Variants in MBOAT2 observed in about 807,000 individuals in gnomAD.
MBOAT2 encodes the protein membrane-bound glycerophospholipid O-acyltransferase 2.
In MBOAT2, 28 loss-of-function variants were observed where a neutral mutation model predicts 63.4. The ratio of observed to expected loss-of-function variants is 0.44; its 90% confidence interval spans 0.33 to 0.61. The LOEUF (loss-of-function observed/expected upper bound fraction) is 0.61, where lower values mean the gene tolerates loss of function less well. MBOAT2 is among the 20% of genes least tolerant of loss of function. The probability of loss-of-function intolerance (pLI) is 0.03; values close to 1 mark genes in which losing one functional copy is unlikely to be tolerated. For missense variants in MBOAT2, 470 were observed against 605.8 expected (o/e 0.78, Z 2.35); for synonymous variants, 211 against 215.6 (o/e 0.98, Z 0.19).
At chr2:9,002,146 GA>G (rs1164181626) in intron 1 of MBOAT2, among the ~76,000 whole-genome samples, 1 of 151,938 alleles carries the variant, frequency 6.6e-6, no homozygotes, top group Non-Finnish European at 1.5e-5. Flanking sequence ...AAAGAGAGAA[GA>G]ATATTTTCTT....
intron 1 of MBOAT2, among the ~76,000 whole-genome samples, chr2:8,997,389 A>G (rs1389345892): frequency 6.6e-6 from 1 of 152,232 alleles, no homozygotes; most frequent in Non-Finnish European, 1.5e-5. Flanking sequence ...AAGCAGGGAG[A>G]CAAAGAGCTC....
At chr2:8,935,920 T>C (rs1413779811) in intron 3 of MBOAT2, among the ~76,000 whole-genome samples, 2 of 152,232 alleles carry the variant, frequency 1.3e-5, no homozygotes, top group African/African-American at 4.8e-5. Flanking sequence ...ATCAATAAAG[T>C]AGACTTCTGA....
At chr2:8,956,728 T>A (rs1241788767) in intron 2 of MBOAT2, among the ~76,000 whole-genome samples, 1 of 152,170 alleles carries the variant, frequency 6.6e-6, no homozygotes, top group Non-Finnish European at 1.5e-5. Flanking sequence ...ATCCTGGTTA[T>A]CACATATAAT....
At chr2:8,962,281 C>T (rs780335795) in intron 1 of MBOAT2, among the ~76,000 whole-genome samples, 5 of 152,126 alleles carry the variant, frequency 3.3e-5, no homozygotes, top group Non-Finnish European at 7.4e-5. Context: ...TTCCTGACCA[C>T]TGCATTATAC....
At chr2:8,914,020 CA>C (rs766410055) in intron 3 of MBOAT2, among the ~76,000 whole-genome samples, 3 of 152,196 alleles carry the variant, frequency 2.0e-5, no homozygotes, top group Non-Finnish European at 4.4e-5. Flanking sequence ...ACAGCATTTG[CA>C]GTAACCTGGA....
chr2:8,868,465 A>C lies in MBOAT2; in HGVS notation c.968T>G (p.Leu323Trp). 1 of 1,613,942 alleles carries C rather than the reference A, an allele frequency of 6.2e-7. No homozygotes were observed. The highest frequency in any genetic ancestry group is 8.5e-7 in the Non-Finnish European group (1 of 1,179,906). The change falls in exon 9 of 13, where the codon TTG (leucine) becomes TGG (tryptophan). Residue 323 changes from leucine to tryptophan, a missense_variant. Transcript: ENST00000305997. ...GAARWDLISN[L>W]RIQQIEMSTS... The stretch of plus-strand genomic sequence containing the variant: ...ACTCACCTCTATTTGTTGAATTCTC[A>C]AATTGGAAATTAAGTCCCAGCGAGC...
chr2:8,974,738 T>C (rs760830775), intron 1 of MBOAT2, among the ~76,000 whole-genome samples: 2 of 152,184 alleles, frequency 1.3e-5, no homozygotes, highest in African/African-American at 4.8e-5. Flanking sequence ...AAATAATACA[T>C]GCTTGCTTTC....
chr2:8,930,956 CTTTT>C (rs919385636), intron 3 of MBOAT2, among the ~76,000 whole-genome samples: 1 of 152,012 alleles, frequency 6.6e-6, no homozygotes, highest in Non-Finnish European at 1.5e-5. Context: ...AAGCCTGCAG[CTTTT>C]TTTTCTCTCG....
In MBOAT2 at chr2:9,003,435, C is replaced by T; in HGVS notation, c.75+105G>A. Reference sequence around the variant, plus strand: ...GCGGCGGGTAGGGGGGCACCGGGCGCCCGGCCCCAGCCCCCACCCTCCTCC... The same window carrying T: ...GCGGCGGGTAGGGGGGCACCGGGCGTCCGGCCCCAGCCCCCACCCTCCTCC... On this transcript the variant is annotated intron_variant, in intron 1 of 12. Coordinates refer to ENST00000305997, the MANE Select transcript of MBOAT2 (RefSeq NM_138799.4). The surrounding 1 kb of genome is among the most constrained non-coding windows in gnomAD (Gnocchi z 5.4). The T allele has an allele frequency of 1.4e-6, 1 of 698,620 alleles. No individual in the cohort carries two copies. Among genetic ancestry groups the T allele is most frequent in the Non-Finnish European group, 1.9e-6 (1 of 531,410 alleles). 43.3% of individuals were successfully genotyped at this position (698,620 alleles called of 1,614,324 possible).
chr2:8,892,908 G>A (rs1434886048), intron 4 of MBOAT2, among the ~76,000 whole-genome samples: 5 of 152,248 alleles, frequency 3.3e-5, no homozygotes, highest in South Asian at 2.1e-4. Context: ...GCAGGACACC[G>A]GATCCAGCAG....
At chr2:8,987,865 G>A (rs534148871) in intron 1 of MBOAT2, among the ~76,000 whole-genome samples, 33 of 152,072 alleles carry the variant, frequency 2.2e-4, no homozygotes, top group South Asian at 1.3e-3. Context: ...TGGACTGAAG[G>A]GTAATGGGTG....
At chr2:8,895,161 T>C (rs539016105) in intron 4 of MBOAT2, among the ~76,000 whole-genome samples, 1 of 152,366 alleles carries the variant, frequency 6.6e-6, no homozygotes, top group South Asian at 2.1e-4. Context: ...CGGGAGCCAC[T>C]GCTGGCTCAC....
chr2:8,894,419 C>T lies in MBOAT2; in HGVS notation c.396-6346G>A, dbSNP rs114291587. The stretch of plus-strand genomic sequence containing the variant: ...CTGGGAGACACTCCCACAGAATGGG[C>T]CAGGATAAAGGCCCACTACTTGCAG... On this transcript the variant is annotated intron_variant, in intron 4 of 12. Transcript: ENST00000305997. 4.2e-3 allele frequency among the ~76,000 whole-genome samples: 647 copies of T among 152,270 alleles called. 8 individuals carry two copies. The highest frequency in any genetic ancestry group is 0.015 in the African/African-American group (606 of 41,546).
intron 4 of MBOAT2, among the ~76,000 whole-genome samples, chr2:8,892,744 C>G (rs1409302470): frequency 1.3e-5 from 2 of 152,078 alleles, no homozygotes; most frequent in African/African-American, 4.8e-5. Context: ...AAATAGAGGA[C>G]AAGCTCTGTG....
At chr2:8,994,412 G>A (rs902989336) in intron 1 of MBOAT2, among the ~76,000 whole-genome samples, 1 of 152,208 alleles carries the variant, frequency 6.6e-6, no homozygotes, top group Non-Finnish European at 1.5e-5. Context: ...GTGGAGAGGG[G>A]CGAGGACCCC....
rs930734023 is a variant in MBOAT2 at position 8,877,281 on chromosome 2, T to A, written c.507-68A>T. On this transcript the variant is annotated intron_variant, in intron 6 of 12. Transcript: ENST00000305997. ...TTCAGAACATCTGATAGAATAACGA[T>A]CCACCTCACTGCTCTCCATTTCCAA... 7 of 1,392,996 alleles carry A rather than the reference T, an allele frequency of 5.0e-6. No individual in the cohort carries two copies. In the Admixed American group the frequency reaches 1.3e-4, roughly 26 times the overall value. The allele number at this position is 1,392,996 out of a possible 1,614,324, so 86.3% of individuals were successfully genotyped here.
At chr2:8,942,821 T>C (rs1668149077) in intron 3 of MBOAT2, among the ~76,000 whole-genome samples, 1 of 152,218 alleles carries the variant, frequency 6.6e-6, no homozygotes, top group East Asian at 1.9e-4. Context: ...CCAGTGGTTC[T>C]TCACAGCAGG....
intron 1 of MBOAT2, among the ~76,000 whole-genome samples, chr2:8,998,438 A>C (rs1672458235): frequency 6.6e-6 from 1 of 152,200 alleles, no homozygotes; most frequent in Non-Finnish European, 1.5e-5. Context: ...CCTAAAAGTC[A>C]TACTCTTAAG....
rs763081356 is a variant in MBOAT2, at chr2:8,908,671, A to G, written c.345T>C (p.Val115=). Reference sequence around the variant, plus strand: ...CATAGTCAAAGATATAGACTCGAGTAACTTGGCACACTGTGAGGTATCCCA... The same window carrying G: ...CATAGTCAAAGATATAGACTCGAGTGACTTGGCACACTGTGAGGTATCCCA... ...FALGYLTVCQ[V]TRVYIFDYGQ... Residue 115 remains valine (V), a synonymous_variant, in exon 4 of 13, where the codon GTT becomes GTC. Transcript: ENST00000305997. 3 of 1,612,418 alleles carry G rather than the reference A, an allele frequency of 1.9e-6. No homozygotes were observed. Among genetic ancestry groups the G allele is most frequent in the Non-Finnish European group, 1.7e-6 (2 of 1,179,070 alleles).
Sources: allele counts gnomAD v4.1 joint callset (sites outside exome capture counted in the v4.1 genomes callset), GRCh38; gene constraint gnomAD v4.1.1; non-coding constraint Gnocchi (gnomAD v3.1); transcripts MANE v1.5; gene names NCBI Gene and HGNC (gene_info 2026-07-23, HGNC 2026-07-21).